Variants in NKAIN2 observed in about 807,000 individuals in gnomAD.
NKAIN2 encodes the protein sodium/potassium-transporting ATPase subunit beta-1-interacting protein 2.
Under a neutral mutation model 32.6 loss-of-function variants are expected in NKAIN2, and 14 were observed. The ratio of observed to expected loss-of-function variants is 0.43; its 90% CI spans 0.28 to 0.67. NKAIN2 has a LOEUF of 0.67. Among genes scored for constraint, NKAIN2 ranks in the 30% least tolerant of loss-of-function variants. The pLI, the probability that NKAIN2 is intolerant of heterozygous loss-of-function variation, is 0.17. For synonymous variants in NKAIN2, 80 were observed against 87.2 expected, an observed-to-expected ratio of 0.92 and a Z score of 0.46; for missense variants, 198 against 258.3, an observed-to-expected ratio of 0.77 and a Z score of 1.60.
chr6:123,907,986 G>C (rs940572824), intron 1 of NKAIN2, among the ~76,000 whole-genome samples: 5 of 152,104 alleles, frequency 3.3e-5, no homozygotes, highest in African/African-American at 7.2e-5. Flanking sequence ...CCTGTATTTT[G>C]TTGCCATGTA....
rs144072623 is a variant in NKAIN2 at position 123,981,750 on chromosome 6, C to G, written c.54+177496C>G. 1.2e-3 allele frequency among the ~76,000 whole-genome samples: 185 copies of G among 152,020 alleles called. 1 individual carries two copies. In the East Asian group the frequency reaches 0.033, roughly 27 times the overall value. ...AAGACACTGAGTGTTGAGAGAGCAC[C>G]GAATTCAATGAAGAAGGTTAAGTGC... is the stretch of plus-strand genomic sequence containing the variant. On this transcript the variant is annotated intron_variant, in intron 1 of 6. Transcript: ENST00000368417.
chr6:124,352,160 G>A (rs1240733126), intron 2 of NKAIN2, among the ~76,000 whole-genome samples: 4 of 152,158 alleles, frequency 2.6e-5, no homozygotes, highest in Non-Finnish European at 1.5e-5. Flanking sequence ...AGAGCCAGAT[G>A]TTAGGTTCTG....
rs1477413033 is a variant in NKAIN2 at position 124,818,398 on chromosome 6, G to T, written c.547G>T (p.Gly183Cys). 7 of 1,594,876 alleles carry T rather than the reference G, an allele frequency of 4.4e-6. No homozygotes were observed. In the Admixed American group the frequency reaches 1.0e-4, roughly 23 times the overall value. ...TEEEDSFDFI[G>C]GFDSYGYQGP... ...TTGTCCCTTTTCAGTTGATTTCATAGGTGGCTTTGACTCTTATGGCTATCA... is the reference window on the plus strand; with the variant it reads ...TTGTCCCTTTTCAGTTGATTTCATATGTGGCTTTGACTCTTATGGCTATCA... The change falls in exon 6 of 7, where the codon GGT (glycine) becomes TGT (cysteine). Residue 183 changes from glycine (G) to cysteine (C), a missense_variant. Physicochemically the swap from Gly to Cys is radical, Grantham distance 159. Transcript: ENST00000368417.
At chr6:124,738,458 C>A (rs1430259141) in intron 4 of NKAIN2, among the ~76,000 whole-genome samples, 6 of 151,830 alleles carry the variant, frequency 4.0e-5, no homozygotes, top group African/African-American at 1.4e-4. Flanking sequence ...ATAACATTTG[C>A]TTGAAAACGC....
intron 3 of NKAIN2, among the ~76,000 whole-genome samples, chr6:124,437,659 A>C (rs1775506724): frequency 6.6e-6 from 1 of 152,156 alleles, no homozygotes; most frequent in African/African-American, 2.4e-5. Context: ...TAAAGCTCAC[A>C]GTCTAATCCT....
intron 3 of NKAIN2, among the ~76,000 whole-genome samples, chr6:124,462,957 C>A (rs1459598926): frequency 6.6e-6 from 1 of 152,048 alleles, no homozygotes; most frequent in Admixed American, 6.6e-5. Context: ...CAGCTTCACA[C>A]TGAACCTCTG....
Position 124,825,117 on chromosome 6 carries a change from C to T in NKAIN2, c.*1888C>T, listed in dbSNP as rs1406437315. On this transcript the variant is annotated 3_prime_UTR_variant, in exon 7 of 7. Transcript: ENST00000368417. ...TTTACCAATGTATTGTCCTTTGAGT[C>T]CTAAAATATAAATACTATACATGCC... The T allele has an allele frequency of 6.6e-6, 1 of 152,446 alleles. No individual in the cohort carries two copies. The highest frequency in any genetic ancestry group is 2.4e-5 in the African/African-American group (1 of 41,382). 9.4% of individuals were successfully genotyped at this position (152,446 alleles called of 1,614,324 possible). A position where few individuals can be genotyped will look rare whatever the true frequency, so the allele number is the denominator to read the frequency against.
intron 1 of NKAIN2, among the ~76,000 whole-genome samples, chr6:124,053,586 G>A (rs2114839226): frequency 6.6e-6 from 1 of 152,110 alleles, no homozygotes; most frequent in South Asian, 2.1e-4. Flanking sequence ...TCTTGTTTAA[G>A]CAGTGCTCTC....
rs1276377886 is a variant in NKAIN2, at chr6:124,739,978, G to C, written c.475-51361G>C. Among the ~76,000 whole-genome samples the C allele has an allele frequency of 2.0e-5, 3 of 151,812 alleles. No individual in the cohort carries two copies. The East Asian group carries it at 5.9e-4, about 30-fold the overall frequency. On this transcript the variant is annotated intron_variant, in intron 4 of 6. Coordinates refer to ENST00000368417, the MANE Select transcript of NKAIN2 (RefSeq NM_001040214.3). ...TTAAATGTTCTCTGGTGTTGGGAGT[G>C]CCCCTCCAGCTGTTTCATCTGAGAC...
At chr6:123,844,703 G>A (rs185814291) in intron 1 of NKAIN2, among the ~76,000 whole-genome samples, 251 of 152,308 alleles carry the variant, frequency 1.6e-3, no homozygotes, top group Admixed American at 2.7e-3. Context: ...CCAGATTGAT[G>A]GCAGAGTTTA....
At chr6:124,004,872 AAGT>A (rs1780013026) in intron 1 of NKAIN2, among the ~76,000 whole-genome samples, 1 of 150,558 alleles carries the variant, frequency 6.6e-6, no homozygotes, top group Non-Finnish European at 1.5e-5. Flanking sequence ...AAAAAAAAAA[AAGT>A]AATAATAACA....
chr6:124,527,382 G>T (rs1409539923), intron 3 of NKAIN2, among the ~76,000 whole-genome samples: 3 of 152,094 alleles, frequency 2.0e-5, no homozygotes, highest in Non-Finnish European at 4.4e-5. Context: ...TAACTGAAGT[G>T]TTACTAGTTC....
chr6:124,497,992 T>A (rs938449611), intron 3 of NKAIN2, among the ~76,000 whole-genome samples: 4 of 152,096 alleles, frequency 2.6e-5, no homozygotes, highest in Admixed American at 2.0e-4. Flanking sequence ...AAAATGCATA[T>A]TTCTATATCC....
At chr6:124,186,499 C>A (rs952020763) in intron 1 of NKAIN2, among the ~76,000 whole-genome samples, 4 of 151,966 alleles carry the variant, frequency 2.6e-5, no homozygotes, top group African/African-American at 7.3e-5. Flanking sequence ...TCAGGAGACA[C>A]AATGAAGGAG....
At chr6:123,816,321 G>A (rs185606162) in intron 1 of NKAIN2, among the ~76,000 whole-genome samples, 2 of 152,228 alleles carry the variant, frequency 1.3e-5, no homozygotes, top group Admixed American at 1.3e-4. Flanking sequence ...ATAGGTCTCT[G>A]TAGATGTTAA....
chr6:124,813,886 AC>A (rs1182167818), intron 5 of NKAIN2, among the ~76,000 whole-genome samples: 2 of 152,192 alleles, frequency 1.3e-5, no homozygotes, highest in African/African-American at 4.8e-5. Context: ...CATCAAAATT[AC>A]CTGGACAAAG....
intron 4 of NKAIN2, among the ~76,000 whole-genome samples, chr6:124,749,789 AT>A (rs1284162037): frequency 3.9e-5 from 6 of 151,954 alleles, no homozygotes; most frequent in Admixed American, 2.0e-4. Flanking sequence ...AATCCCATTT[AT>A]TTTGTTTGGC....
chr6:124,417,616 T>A (rs910814630), intron 3 of NKAIN2, among the ~76,000 whole-genome samples: 1 of 152,182 alleles, frequency 6.6e-6, no homozygotes, highest in Non-Finnish European at 1.5e-5. Context: ...ATACCATAAT[T>A]GAGATTAAAA....
chr6:124,510,621 G>A (rs1046289463), intron 3 of NKAIN2, among the ~76,000 whole-genome samples: 8 of 152,148 alleles, frequency 5.3e-5, no homozygotes, highest in Non-Finnish European at 1.0e-4. Flanking sequence ...TCACAGTTAG[G>A]CGTTTAACTT....
Sources: allele counts gnomAD v4.1 joint callset (sites outside exome capture counted in the v4.1 genomes callset), GRCh38; gene constraint gnomAD v4.1.1; transcripts MANE v1.5; gene names NCBI Gene and HGNC (gene_info 2026-07-23, HGNC 2026-07-21).